The following GOLIM4 variants were observed in gnomAD, a reference collection of about 807,000 sequenced individuals.
GOLIM4 encodes the protein 130 kDa golgi-localized phosphoprotein.
Under a neutral mutation model 107.4 loss-of-function variants are expected in GOLIM4, and 71 were observed. The ratio of observed to expected loss-of-function variants is 0.66; its 90% CI spans 0.55 to 0.81. GOLIM4 has a LOEUF of 0.81. GOLIM4 is among the 30% of genes least tolerant of loss of function. The pLI is 0.00. For synonymous variants in GOLIM4, 327 were observed against 294.8 expected, an observed-to-expected ratio of 1.11 and a Z score of -1.12; for missense variants, 830 against 826.1, an observed-to-expected ratio of 1.00 and a Z score of -0.06.
At position 168,015,889 on chromosome 3, in the gene GOLIM4, G is replaced by T. The variant is rs1304846781; in HGVS notation, c.1861-5066C>A. On this transcript the variant is annotated intron_variant, in intron 14 of 15. Coordinates refer to ENST00000470487, the MANE Select transcript of GOLIM4 (RefSeq NM_014498.5). ...TCCTTACACCTTATACAAAAATCAA[G>T]TCAAGATGGATTAAAGACTTAAACG... is the stretch of plus-strand genomic sequence containing the variant. 1.5e-5 allele frequency among the ~76,000 whole-genome samples: 2 copies of T among 133,252 alleles called. 1 individual carries two copies. The highest frequency in any genetic ancestry group is 8.1e-5 in the African/African-American group (2 of 24,616). The allele number at this position is 133,252 out of a possible 152,430, so 87.4% of individuals were successfully genotyped here. A position where few individuals can be genotyped will look rare whatever the true frequency, so the allele number is the denominator to read the frequency against.
At chr3:168,027,139 C>A (rs1222794674) in intron 12 of GOLIM4, among the ~76,000 whole-genome samples, 1 of 152,210 alleles carries the variant, frequency 6.6e-6, no homozygotes, top group African/African-American at 2.4e-5. Flanking sequence ...TAAACACAAA[C>A]AACAATGCTG....
chr3:168,082,968 T>C (rs1477360078), intron 1 of GOLIM4, among the ~76,000 whole-genome samples: 3 of 152,194 alleles, frequency 2.0e-5, no homozygotes, highest in Non-Finnish European at 4.4e-5. Flanking sequence ...TATAGAAATA[T>C]GTTTTGGAAA....
At chr3:168,057,099 T>G (rs1720015463) in intron 1 of GOLIM4, among the ~76,000 whole-genome samples, 1 of 152,132 alleles carries the variant, frequency 6.6e-6, no homozygotes, top group Non-Finnish European at 1.5e-5. Context: ...TGTGCTGTTC[T>G]CATGACGGTG....
chr3:168,080,782 G>C (rs1172245994), intron 1 of GOLIM4, among the ~76,000 whole-genome samples: 2 of 151,862 alleles, frequency 1.3e-5, no homozygotes, highest in East Asian at 3.8e-4. Context: ...TGGAAATCTA[G>C]ATGTTTATAT....
chr3:168,029,780 C>G lies in GOLIM4; in HGVS notation c.1433G>C (p.Arg478Pro). The change falls in exon 10 of 16, where the codon CGG becomes CCG. Residue 478 changes from arginine to proline, a missense_variant and splice_region_variant. Arg to Pro is a moderately radical substitution (Grantham distance 103). Coordinates refer to ENST00000470487, the MANE Select transcript of GOLIM4 (RefSeq NM_014498.5). ...EGRPQHQEQL[R>P]QQAHYDAMDN... ...GTTCATTAAGGAAGGGGAAGGCTACCGGAGCTGCTCCTGGTGCTGCGGCCG... is the reference window on the plus strand; with the variant it reads ...GTTCATTAAGGAAGGGGAAGGCTACGGGAGCTGCTCCTGGTGCTGCGGCCG... 6.2e-7 allele frequency: 1 copy of G among 1,612,652 alleles called. No individual in the cohort carries two copies. The highest frequency in any genetic ancestry group is 2.2e-5 in the East Asian group (1 of 44,864).
intron 8 of GOLIM4, 35 bp from the exon 9 acceptor site, chr3:168,032,887 C>A (rs1718417245): frequency 1.4e-6 from 2 of 1,472,180 alleles, no homozygotes; most frequent in East Asian, 2.3e-5. Context: ...TGACACTCTT[C>A]CAATTTCAAA....
At chr3:168,020,246 G>A (rs1717607044) in intron 14 of GOLIM4, among the ~76,000 whole-genome samples, 1 of 152,200 alleles carries the variant, frequency 6.6e-6, no homozygotes, top group African/African-American at 2.4e-5. Flanking sequence ...TGGTTGGGGA[G>A]TCATGGACCC....
chr3:168,013,008 C>T (rs1235663350), intron 14 of GOLIM4, among the ~76,000 whole-genome samples: 2 of 148,342 alleles, frequency 1.3e-5, no homozygotes, highest in Non-Finnish European at 2.9e-5. Context: ...CAGCTAACAT[C>T]ATAATGACAG....
At chr3:168,055,423 C>T (rs1360507152) in intron 1 of GOLIM4, among the ~76,000 whole-genome samples, 1 of 152,134 alleles carries the variant, frequency 6.6e-6, no homozygotes, top group African/African-American at 2.4e-5. Context: ...TGCTTCTGAC[C>T]TAGAGATCTG....
At chr3:168,032,973 T>C (rs1718421684) in intron 8 of GOLIM4, 121 bp from the exon 9 acceptor site, 4 of 737,574 alleles carry the variant, frequency 5.4e-6, no homozygotes, top group Non-Finnish European at 9.0e-6. Flanking sequence ...TAGAAATATA[T>C]ATAGTCCTGG....
chr3:168,024,673 A>C (rs1717899366), intron 13 of GOLIM4, 79 bp from the exon 14 acceptor site: 1 of 1,183,118 alleles, frequency 8.5e-7, no homozygotes, highest in South Asian at 1.2e-5. Flanking sequence ...ACAAAGAACA[A>C]GCATGCCACC....
intron 1 of GOLIM4, among the ~76,000 whole-genome samples, chr3:168,069,467 AG>A (rs1434504509): frequency 6.6e-6 from 1 of 152,246 alleles, no homozygotes; most frequent in Non-Finnish European, 1.5e-5. Flanking sequence ...ATTTGAAACA[AG>A]AAGTTTCTTT....
intron 1 of GOLIM4, among the ~76,000 whole-genome samples, chr3:168,055,261 G>C (rs1719879741): frequency 6.6e-6 from 1 of 152,150 alleles, no homozygotes; most frequent in Non-Finnish European, 1.5e-5. Flanking sequence ...GAACTCCCTA[G>C]AGACTTGCTG....
chr3:168,056,977 G>C (rs899713208), intron 1 of GOLIM4, among the ~76,000 whole-genome samples: 7 of 152,112 alleles, frequency 4.6e-5, no homozygotes, highest in African/African-American at 1.7e-4. Context: ...GAGGGGTCAG[G>C]GGTGGAATGA....
At chr3:168,015,346 C>A (rs1717302212) in intron 14 of GOLIM4, among the ~76,000 whole-genome samples, 1 of 148,238 alleles carries the variant, frequency 6.7e-6, no homozygotes, top group Non-Finnish European at 1.5e-5. Context: ...ATGTGAAGGA[C>A]CTCTTCAAGG....
At chr3:168,089,175 C>A (rs191744902) in intron 1 of GOLIM4, among the ~76,000 whole-genome samples, 3 of 152,288 alleles carry the variant, frequency 2.0e-5, no homozygotes, top group Non-Finnish European at 4.4e-5. Context: ...AATTACTGAA[C>A]TTAAGAGTAT....
chr3:168,070,892 C>T (rs572774216), intron 1 of GOLIM4, among the ~76,000 whole-genome samples: 60 of 152,202 alleles, frequency 3.9e-4, no homozygotes, highest in African/African-American at 1.3e-3. Flanking sequence ...ATAATAAGTT[C>T]GCTCTTCTTT....
At chr3:168,033,467 C>T (rs1455805188) in intron 8 of GOLIM4, among the ~76,000 whole-genome samples, 6 of 151,280 alleles carry the variant, frequency 4.0e-5, no homozygotes, top group Non-Finnish European at 7.4e-5. Flanking sequence ...ATTAGCCGGG[C>T]GTGGTGGCGG....
In GOLIM4 at chr3:168,065,741, T is replaced by C. The variant is rs559890539; in HGVS notation, c.188-17376A>G. Among the ~76,000 whole-genome samples the C allele has an allele frequency of 1.8e-3, 277 of 152,302 alleles. 1 individual carries two copies. The highest frequency in any genetic ancestry group is 3.2e-3 in the Non-Finnish European group (215 of 68,016). On this transcript the variant is annotated intron_variant, in intron 1 of 15. Transcript: ENST00000470487. The stretch of plus-strand genomic sequence containing the variant: ...CACAGAGGTGGAAGAATCCAACCTT[T>C]AGGTTCCTCCATGGACTCAGCAGAG...
Sources: gnomAD v4.1 joint callset for allele counts (sites outside exome capture counted in the v4.1 genomes callset) on GRCh38, gnomAD v4.1.1 for gene constraint, MANE v1.5 for transcripts, NCBI Gene and HGNC (gene_info 2026-07-23, HGNC 2026-07-21) for gene names.